SYNJ2: variants seen among roughly 807,000 people sequenced by gnomAD.
SYNJ2 encodes the protein polyphosphatidylinositol phosphatase SYNJ2.
Under a neutral mutation model 141.3 loss-of-function variants are expected in SYNJ2, and 116 were observed. That is an observed-to-expected ratio of 0.82 (90% CI 0.71 to 0.96). SYNJ2 has a LOEUF of 0.96. Ranked by LOEUF, SYNJ2 falls within the 40% of genes least tolerant of loss-of-function variation. The pLI is 0.00. For synonymous variants in SYNJ2, 745 were observed against 777.7 expected, an observed-to-expected ratio of 0.96 and a Z score of 0.70; for missense variants, 1,873 against 1,934.8, an observed-to-expected ratio of 0.97 and a Z score of 0.60.
At chr6:158,083,703 C>A in intron 21 of SYNJ2, 106 bp downstream of exon 21, 1 of 1,433,778 alleles carries the variant, frequency 7.0e-7, no homozygotes, top group Admixed American at 1.8e-5. Flanking sequence ...ACGGAGGACA[C>A]CCGCAGGGCA....
At chr6:158,054,583 G>A (rs1263659245) in intron 5 of SYNJ2, among the ~76,000 whole-genome samples, 1 of 152,192 alleles carries the variant, frequency 6.6e-6, no homozygotes, top group Non-Finnish European at 1.5e-5. Flanking sequence ...GTCCCTGAAG[G>A]CATAAAGGAG....
At chr6:158,031,647 T>G (rs1005273485) in intron 3 of SYNJ2, among the ~76,000 whole-genome samples, 2 of 151,752 alleles carry the variant, frequency 1.3e-5, no homozygotes, top group East Asian at 3.9e-4. Flanking sequence ...ACAGCAGGAG[T>G]CAGATGGGGT....
intron 5 of SYNJ2, among the ~76,000 whole-genome samples, chr6:158,047,897 A>G (rs1314814335): frequency 6.6e-6 from 1 of 151,636 alleles, no homozygotes; most frequent in East Asian, 1.9e-4. Flanking sequence ...GATAAAACCA[A>G]TGGTGGCATC....
rs144179820 is a variant in SYNJ2 at position 158,039,987 on chromosome 6, G to A, written c.712-3329G>A. On this transcript the variant is annotated intron_variant, in intron 4 of 26. Coordinates refer to ENST00000355585, the MANE Select transcript of SYNJ2 (RefSeq NM_003898.4). Reference sequence around the variant, plus strand: ...CGTCTGGCAAACAAATGATGGGACCGGACCAGGAGCAGACTGGCTCCCTGT... The same window carrying A: ...CGTCTGGCAAACAAATGATGGGACCAGACCAGGAGCAGACTGGCTCCCTGT... Among the ~76,000 whole-genome samples, 205 of 152,308 alleles carry A rather than the reference G, an allele frequency of 1.3e-3. 1 individual carries two copies. The highest frequency in any genetic ancestry group is 1.7e-3 in the Non-Finnish European group (113 of 68,028).
intron 6 of SYNJ2, among the ~76,000 whole-genome samples, chr6:158,058,066 A>T (rs1452814780): frequency 6.6e-6 from 1 of 152,240 alleles, no homozygotes; most frequent in African/African-American, 2.4e-5. Context: ...CATAAGAAAA[A>T]AAATGATTTT....
Position 158,061,756 on chromosome 6 carries a change from G to A in SYNJ2, c.955-236G>A, listed in dbSNP as rs372515774. On this transcript the variant is annotated intron_variant, in intron 7 of 26. Transcript: ENST00000355585. Reference sequence around the variant, plus strand: ...CTGCTCTGGCTTCTTTTGCTCAAGGGGGACCTTCTGCCCTTTCGCAGGCAA... The same window carrying A: ...CTGCTCTGGCTTCTTTTGCTCAAGGAGGACCTTCTGCCCTTTCGCAGGCAA... Among the ~76,000 whole-genome samples the A allele has an allele frequency of 1.8e-3, 278 of 152,306 alleles. 2 individuals are homozygous for A. The highest frequency in any genetic ancestry group is 6.2e-3 in the African/African-American group (256 of 41,568).
chr6:158,017,173 T>C lies in SYNJ2; in HGVS notation c.128-31T>C, dbSNP rs908909878. 5.0e-6 allele frequency: 8 copies of C among 1,608,854 alleles called. No individual in the cohort carries two copies. The African/African-American group carries it at 6.7e-5, about 13-fold the overall frequency. ...ACAGGAATGAGCAGGAGACGCTCGC[T>C]GATGCCTTCTGTGATGTGTTTCTTC... is the stretch of plus-strand genomic sequence containing the variant. On this transcript the variant is annotated intron_variant, in intron 1 of 26. Coordinates refer to ENST00000355585, the MANE Select transcript of SYNJ2 (RefSeq NM_003898.4).
chr6:158,063,772 C>T lies in SYNJ2; in HGVS notation c.1128-19C>T, dbSNP rs1419762336. 6.5e-7 allele frequency: 1 copy of T among 1,531,264 alleles called. No homozygotes were observed. The highest frequency in any genetic ancestry group is 8.9e-7 in the Non-Finnish European group (1 of 1,126,128). The allele number at this position is 1,531,264 out of a possible 1,614,324, so 94.9% of individuals were successfully genotyped here. A position where few individuals can be genotyped will look rare whatever the true frequency, so the allele number is the denominator to read the frequency against. On this transcript the variant is annotated intron_variant, in intron 8 of 26. Coordinates refer to ENST00000355585, the MANE Select transcript of SYNJ2 (RefSeq NM_003898.4). ...TTTGAAAACAACATATAACCGTTTA[C>T]ATTTCTTCTTGTCCTAAGTTTTCAG...
rs1299035409 is a variant in SYNJ2, at chr6:158,071,998, C to T, written c.2133+204C>T. Among the ~76,000 whole-genome samples, 1 of 152,218 alleles carries T rather than the reference C, an allele frequency of 6.6e-6. No homozygotes were observed. Among genetic ancestry groups the T allele is most frequent in the Non-Finnish European group, 1.5e-5 (1 of 68,032 alleles). ...TAGCCACGTGCCTGGAGGGGGCCAG[C>T]TTTGCAGCATTTCCCGTTGCTGTAC... On this transcript the variant is annotated intron_variant, in intron 15 of 26. Transcript: ENST00000355585. The surrounding 1 kb of genome is among the most constrained non-coding windows in gnomAD (Gnocchi z 4.3).
At chr6:157,989,909 G>C (rs374051861) in intron 1 of SYNJ2, among the ~76,000 whole-genome samples, 13 of 89,910 alleles carry the variant, frequency 1.4e-4, no homozygotes, top group Admixed American at 1.2e-3. Context: ...GGGCTTTTCT[G>C]GGGGGGGCTA....
rs113305741 is a variant in SYNJ2 at position 158,039,215 on chromosome 6, C to G, written c.712-4101C>G. ...TAGCAGTACTGATGCTTAGGTTGAT[C>G]TAAGTTCGTTTTTAAAACACAAAAC... On this transcript the variant is annotated intron_variant, in intron 4 of 26. Transcript: ENST00000355585. Among the ~76,000 whole-genome samples, 457 of 152,362 alleles carry G rather than the reference C, an allele frequency of 3.0e-3. 2 individuals are homozygous for G. Among genetic ancestry groups the G allele is most frequent in the African/African-American group, 0.01 (428 of 41,588 alleles).
At chr6:158,064,020 C>A in intron 9 of SYNJ2, 148 bp downstream of exon 9, 1 of 776,896 alleles carries the variant, frequency 1.3e-6, no homozygotes, top group Non-Finnish European at 2.1e-6. Context: ...CAGGGAGACA[C>A]TGGGACATCC....
At chr6:158,058,256 C>A (rs955520165) in intron 6 of SYNJ2, among the ~76,000 whole-genome samples, 2 of 152,068 alleles carry the variant, frequency 1.3e-5, no homozygotes, top group African/African-American at 4.8e-5. Context: ...AAGATTGCAC[C>A]ATTAAACGAT....
chr6:157,992,411 T>TTTTTTTTTTTTTTTC (rs1777478548), intron 1 of SYNJ2, among the ~76,000 whole-genome samples: 3 of 146,314 alleles, frequency 2.1e-5, no homozygotes, highest in Non-Finnish European at 3.0e-5. Flanking sequence ...CTTTTTTTTT[T>TTTTTTTTTTTTTTTC]TTTTTTTTTT....
At chr6:158,094,098 GC>G (rs1562414482) in intron 26 of SYNJ2, 5 of 675,754 alleles carry the variant, frequency 7.4e-6, no homozygotes, top group Non-Finnish European at 1.3e-5. Flanking sequence ...TGTGAGGGGG[GC>G]TTCGGCTTCA....
chr6:158,083,341 T>G, intron 20 of SYNJ2, 88 bp from the exon 21 acceptor site: 2 of 1,471,862 alleles, frequency 1.4e-6, no homozygotes, highest in Non-Finnish European at 1.9e-6. Flanking sequence ...TCGTTGAGGG[T>G]GTGTGGGTTT....
At chr6:158,085,733 G>C (rs1247195148) in intron 22 of SYNJ2, among the ~76,000 whole-genome samples, 1 of 152,190 alleles carries the variant, frequency 6.6e-6, no homozygotes, top group Non-Finnish European at 1.5e-5. Context: ...TGGTAGGAGT[G>C]GGGTGGGACC....
chr6:157,984,973 C>T (rs1777146646), intron 1 of SYNJ2, among the ~76,000 whole-genome samples: 1 of 152,216 alleles, frequency 6.6e-6, no homozygotes, highest in African/African-American at 2.4e-5. Context: ...AACTTCCATC[C>T]TGCTCCGCTG....
At chr6:158,079,380 A>G (rs553769555) in intron 18 of SYNJ2, 2 of 132,586 alleles carry the variant, frequency 1.5e-5, no homozygotes, top group Admixed American at 1.5e-4. Context: ...GTCAACGAAA[A>G]AACCTTTTTT....
Sources: allele counts gnomAD v4.1 joint callset (sites outside exome capture counted in the v4.1 genomes callset), GRCh38; gene constraint gnomAD v4.1.1; non-coding constraint Gnocchi (gnomAD v3.1); transcripts MANE v1.5; gene names NCBI Gene and HGNC (gene_info 2026-07-23, HGNC 2026-07-21).